Variants in TOGARAM2 observed in about 807,000 individuals in gnomAD.
The protein encoded by TOGARAM2 is TOG array regulator of axonemal microtubules 2, also known as TOG array regulator of axonemal microtubules protein 2.
TOGARAM2 carries 85 observed loss-of-function variants against 93.3 expected under a neutral mutation model. That is an observed-to-expected ratio of 0.91 (90% confidence interval 0.76 to 1.09). The LOEUF is 1.09. Ranked by LOEUF, TOGARAM2 falls within the 50% of genes least tolerant of loss-of-function variation. The pLI is 0.00. For missense variants in TOGARAM2, 1,277 were observed against 1,334.5 expected, an observed-to-expected ratio of 0.96 and a Z score of 0.67; for synonymous variants, 593 against 552.8, an observed-to-expected ratio of 1.07 and a Z score of -1.02.
chr2:28,972,804 C>T (rs1671966852), intron 1 of TOGARAM2, among the ~76,000 whole-genome samples: 1 of 152,152 alleles, frequency 6.6e-6, no homozygotes, highest in African/African-American at 2.4e-5. Flanking sequence ...CTTGGTAGGG[C>T]TGGGAGCTGG....
At position 29,020,362 on chromosome 2, in the gene TOGARAM2, C is replaced by T. The variant is rs775923176; in HGVS notation, c.1361-1796C>T. ...TTTGAAAATAGAGGACAAGCGGGAC[C>T]TTTGAAGAGGAACTCACTGTTTCCA... On this transcript the variant is annotated intron_variant, in intron 10 of 19. Coordinates refer to ENST00000379558, the MANE Select transcript of TOGARAM2 (RefSeq NM_199280.4). 1.5e-3 allele frequency among the ~76,000 whole-genome samples: 223 copies of T among 152,332 alleles called. 1 individual carries two copies. Among genetic ancestry groups the T allele is most frequent in the Non-Finnish European group, 1.2e-4 (8 of 68,034 alleles).
chr2:29,017,873 T>C lies in TOGARAM2; in HGVS notation c.1277T>C (p.Ile426Thr), dbSNP rs1664684307. 1.2e-6 allele frequency: 2 copies of C among 1,613,430 alleles called. No homozygotes were observed. The highest frequency in any genetic ancestry group is 4.5e-5 in the East Asian group (2 of 44,840). Residue 426 changes from isoleucine to threonine, a missense_variant, in exon 10 of 20, where the codon ATC becomes ACC. Physicochemically the swap from Ile to Thr is moderately conservative, Grantham distance 89. Coordinates refer to ENST00000379558, the MANE Select transcript of TOGARAM2 (RefSeq NM_199280.4). ...CCATGCAGAAACGACGTCAGCATCA[T>C]CCTGAGGAAGTGGGCCAGCCGGGCC... ...SGPCRNDVSIILRKWASRASL... is the reference protein window; with the variant it reads ...SGPCRNDVSITLRKWASRASL...
At chr2:29,026,739 G>T in intron 13 of TOGARAM2, 114 bp from the exon 14 acceptor site, 1 of 1,187,666 alleles carries the variant, frequency 8.4e-7, no homozygotes, top group Non-Finnish European at 1.1e-6. Flanking sequence ...GGTATTTTTG[G>T]AGCCCCTGGC....
Position 29,035,665 on chromosome 2 carries a change from C to A in TOGARAM2, c.2418+9C>A. The A allele has an allele frequency of 5.0e-6, 7 of 1,405,756 alleles. No homozygotes were observed. The highest frequency in any genetic ancestry group is 6.6e-6 in the Non-Finnish European group (7 of 1,068,498). The allele number at this position is 1,405,756 out of a possible 1,614,324, so 87.1% of individuals were successfully genotyped here. On this transcript the variant is annotated intron_variant, in intron 17 of 19. Coordinates refer to ENST00000379558, the MANE Select transcript of TOGARAM2 (RefSeq NM_199280.4). ...CTGCCCACCTGGTCCAGGTGAGCAC[C>A]GCTTGCTTTTACTCTCCCACCTGTC...
chr2:29,003,401 G>A, intron 5 of TOGARAM2, 91 bp from the exon 6 acceptor site: 1 of 1,091,286 alleles, frequency 9.2e-7, no homozygotes, highest in Non-Finnish European at 1.2e-6. Flanking sequence ...AAAAGAGACA[G>A]CAGGTCCCAC....
chr2:29,021,434 T>C (rs2148344186), intron 10 of TOGARAM2, among the ~76,000 whole-genome samples: 1 of 152,312 alleles, frequency 6.6e-6, no homozygotes, highest in East Asian at 1.9e-4. Flanking sequence ...CCACCCTCTC[T>C]GGGCCTCTGG....
chr2:29,033,327 G>A, intron 15 of TOGARAM2, 142 bp from the exon 16 acceptor site: 1 of 795,432 alleles, frequency 1.3e-6, no homozygotes. Flanking sequence ...CTGCTTTCAG[G>A]GCTCTGGAAG....
chr2:28,958,223 T>C (rs73922914), intron 1 of TOGARAM2, among the ~76,000 whole-genome samples: 336 of 152,020 alleles, frequency 2.2e-3, no homozygotes, highest in African/African-American at 7.6e-3. Context: ...CCAAAATGAG[T>C]TTGAATGAGT....
At chr2:29,045,231 T>G in intron 18 of TOGARAM2, 93 bp from the exon 19 acceptor site, 1 of 958,426 alleles carries the variant, frequency 1.0e-6, no homozygotes, top group Non-Finnish European at 1.6e-6. Context: ...CCTCATCCCC[T>G]TGCAGGTACT....
At position 29,051,790 on chromosome 2, in the gene TOGARAM2, A is replaced by G; in HGVS notation, c.2757A>G (p.Gln919=). ...LVASVYPRKP[Q]AVERHVLPIL... ...CCTCAGTTTACCCCCGGAAGCCTCAAGCTGTAGAGCGGCATGTCCTTCCCA... is the reference window on the plus strand; with the variant it reads ...CCTCAGTTTACCCCCGGAAGCCTCAGGCTGTAGAGCGGCATGTCCTTCCCA... Residue 919 remains glutamine, a synonymous_variant, in exon 20 of 20, where the codon CAA becomes CAG. Transcript: ENST00000379558. 1 of 1,539,312 alleles carries G rather than the reference A, an allele frequency of 6.5e-7. No homozygotes were observed. Among genetic ancestry groups the G allele is most frequent in the Non-Finnish European group, 8.8e-7 (1 of 1,137,224 alleles).
intron 11 of TOGARAM2, among the ~76,000 whole-genome samples, 175 bp from the exon 12 acceptor site, chr2:29,022,911 A>G (rs1665053136): frequency 6.6e-6 from 1 of 152,174 alleles, no homozygotes; most frequent in African/African-American, 2.4e-5. Context: ...CTGAGTGGTT[A>G]GGATTCCAGG....
chr2:29,027,073 C>T, intron 14 of TOGARAM2, 62 bp downstream of exon 14: 1 of 1,443,414 alleles, frequency 6.9e-7, no homozygotes, highest in Non-Finnish European at 9.2e-7. Context: ...CCTGAGGGGC[C>T]TGGGGCACAC....
At chr2:28,980,640 G>A (rs139330709), upstream of TOGARAM2, among the ~76,000 whole-genome samples, 19 of 152,354 alleles carry the variant, frequency 1.2e-4, no homozygotes, top group Admixed American at 1.1e-3. Context: ...CCTGGGTTCA[G>A]TGAGAAAGTA....
intron 14 of TOGARAM2, among the ~76,000 whole-genome samples, chr2:29,030,816 C>T (rs1350867711): frequency 6.6e-6 from 1 of 152,188 alleles, no homozygotes; most frequent in African/African-American, 2.4e-5. Context: ...TCAATTCTTG[C>T]CCTCCACTCC....
At chr2:29,034,139 A>G (rs1665942918) in intron 16 of TOGARAM2, among the ~76,000 whole-genome samples, 1 of 152,140 alleles carries the variant, frequency 6.6e-6, no homozygotes, top group Admixed American at 6.5e-5. Context: ...CACTTCTTCA[A>G]AGGTAACTTC....
In TOGARAM2 at chr2:29,003,649, G is replaced by T. The variant is rs200924354; in HGVS notation, c.797G>T (p.Gly266Val). 36 of 1,585,116 alleles carry T rather than the reference G, an allele frequency of 2.3e-5. No homozygotes were observed. In the African/African-American group the frequency reaches 4.1e-4, roughly 18 times the overall value. ...CCCAGCCCGTTACCTCCAGGCCAGG[G>T]AGTCCTCACAGGCCTGAGGGCCCCA... ...SLPSPLPPGQGVLTGLRAPRT... is the reference protein window; with the variant it reads ...SLPSPLPPGQVVLTGLRAPRT... The change falls in exon 6 of 20, where the codon GGA becomes GTA. Residue 266 changes from glycine to valine, a missense_variant. Gly to Val is a moderately radical substitution (Grantham distance 109). Coordinates refer to ENST00000379558, the MANE Select transcript of TOGARAM2 (RefSeq NM_199280.4).
intron 1 of TOGARAM2, among the ~76,000 whole-genome samples, chr2:28,962,586 G>T (rs1671816357): frequency 6.6e-6 from 1 of 152,124 alleles, no homozygotes; most frequent in Admixed American, 6.5e-5. Flanking sequence ...GTATGTGTTG[G>T]TATGGATATG....
At chr2:29,018,329 T>A in intron 10 of TOGARAM2, 1 of 192,054 alleles carries the variant, frequency 5.2e-6, no homozygotes, top group Non-Finnish European at 1.1e-5. Flanking sequence ...TCTTTCCTGT[T>A]GCTTCATAAA....
intron 1 of TOGARAM2, among the ~76,000 whole-genome samples, chr2:28,970,038 C>T (rs900879952): frequency 6.6e-6 from 1 of 152,190 alleles, no homozygotes; most frequent in African/African-American, 2.4e-5. Flanking sequence ...GTCTCGAACT[C>T]TTGACCTCGT....
Sources: gnomAD v4.1 joint callset for allele counts (sites outside exome capture counted in the v4.1 genomes callset) on GRCh38, gnomAD v4.1.1 for gene constraint, MANE v1.5 for transcripts, NCBI Gene and HGNC (gene_info 2026-07-23, HGNC 2026-07-21) for gene names.